The following ERC2 variants were observed in gnomAD, a reference collection of about 807,000 sequenced individuals.
ERC2 encodes ELKS/RAB6-interacting/CAST family member 2.
A neutral mutation model predicts 114.8 loss-of-function variants in ERC2; 42 were observed. The observed-to-expected ratio is 0.37, with a 90% CI of 0.29 to 0.47. ERC2 has a LOEUF of 0.47. ERC2 is among the 20% of genes least tolerant of loss of function. ERC2 has a pLI of 0.99. For synonymous variants in ERC2, 454 were observed against 425.5 expected, an observed-to-expected ratio of 1.07 and a Z score of -0.82; for missense variants, 939 against 1,150.7, an observed-to-expected ratio of 0.82 and a Z score of 2.66.
chr3:55,590,833 A>AT (rs1356962853), intron 17 of ERC2, among the ~76,000 whole-genome samples: 10 of 151,352 alleles, frequency 6.6e-5, no homozygotes, highest in East Asian at 3.9e-4. Context: ...GCTCTATAAC[A>AT]TTTTTTTTTC....
At chr3:55,919,148 G>C (rs539538873) in intron 13 of ERC2, among the ~76,000 whole-genome samples, 108 of 152,320 alleles carry the variant, frequency 7.1e-4, no homozygotes, top group African/African-American at 2.5e-3. Flanking sequence ...GGTGGCCAAA[G>C]TGGGAGGATT....
chr3:56,361,742 A>G (rs2058965246), intron 2 of ERC2, among the ~76,000 whole-genome samples: 1 of 152,246 alleles, frequency 6.6e-6, no homozygotes, highest in Non-Finnish European at 1.5e-5. Context: ...TGAGTAGTAG[A>G]GATGGTTCAT....
At chr3:56,106,793 A>G (rs1344308982) in intron 6 of ERC2, among the ~76,000 whole-genome samples, 5 of 152,200 alleles carry the variant, frequency 3.3e-5, no homozygotes, top group Non-Finnish European at 7.3e-5. Flanking sequence ...GTCACTGGAA[A>G]TATTTCCAGT....
intron 7 of ERC2, among the ~76,000 whole-genome samples, chr3:56,079,027 T>C (rs1471836660): frequency 6.6e-6 from 1 of 152,064 alleles, no homozygotes; most frequent in Non-Finnish European, 1.5e-5. Context: ...AACAAAGCAC[T>C]ATTTGAACAG....
chr3:55,791,839 T>C (rs941880606), intron 14 of ERC2, among the ~76,000 whole-genome samples: 2 of 151,968 alleles, frequency 1.3e-5, no homozygotes, highest in African/African-American at 4.8e-5. Context: ...TTTATTTAAC[T>C]GTTTTGTATT....
intron 13 of ERC2, among the ~76,000 whole-genome samples, chr3:55,916,602 G>T (rs1249417610): frequency 6.6e-6 from 1 of 152,146 alleles, no homozygotes; most frequent in Admixed American, 6.5e-5. Context: ...TGCACTGAGC[G>T]TGTTCCCACT....
chr3:55,679,157 C>G (rs972782474), intron 17 of ERC2, among the ~76,000 whole-genome samples: 1 of 152,170 alleles, frequency 6.6e-6, no homozygotes, highest in Admixed American at 6.5e-5. Flanking sequence ...AAAGGCCCTA[C>G]GTTTTCTGGT....
chr3:56,240,035 G>A (rs1232248041), intron 3 of ERC2, among the ~76,000 whole-genome samples: 1 of 152,182 alleles, frequency 6.6e-6, no homozygotes, highest in African/African-American at 2.4e-5. Context: ...GCCTAATTAG[G>A]CCAGTCCTGC....
intron 14 of ERC2, among the ~76,000 whole-genome samples, chr3:55,846,900 C>G (rs570014653): frequency 4.6e-5 from 7 of 152,256 alleles, no homozygotes; most frequent in African/African-American, 1.4e-4. Flanking sequence ...TGGCAAAGCA[C>G]AAGTGAGCAA....
intron 14 of ERC2, among the ~76,000 whole-genome samples, chr3:55,882,276 G>A (rs1192827006): frequency 1.3e-5 from 2 of 152,116 alleles, no homozygotes; most frequent in South Asian, 2.1e-4. Context: ...CCCTTCTGCC[G>A]TAAGTGGAAG....
intron 14 of ERC2, among the ~76,000 whole-genome samples, chr3:55,847,311 G>C (rs1219872290): frequency 6.6e-6 from 1 of 152,064 alleles, no homozygotes; most frequent in Non-Finnish European, 1.5e-5. Flanking sequence ...GAGAGGGAGG[G>C]GAGCCTTCCA....
At chr3:56,098,270 C>T (rs192864447) in intron 6 of ERC2, among the ~76,000 whole-genome samples, 39 of 152,260 alleles carry the variant, frequency 2.6e-4, no homozygotes, top group African/African-American at 8.7e-4. Flanking sequence ...ATAAACCATA[C>T]GAATAGCAGA....
intron 2 of ERC2, among the ~76,000 whole-genome samples, chr3:56,313,031 T>TATATATATATAC (rs2056678957): frequency 1.5e-5 from 2 of 133,642 alleles, no homozygotes; most frequent in African/African-American, 5.5e-5. Context: ...TATATATATA[T>TATATATATATAC]ATATATGGGG....
intron 15 of ERC2, among the ~76,000 whole-genome samples, chr3:55,700,691 T>C (rs1576203950): frequency 6.6e-6 from 1 of 152,152 alleles, no homozygotes. Flanking sequence ...TCTGGCTAAC[T>C]CAAACTATTT....
chr3:55,885,905 A>G (rs2063331284), intron 14 of ERC2, among the ~76,000 whole-genome samples: 1 of 152,226 alleles, frequency 6.6e-6, no homozygotes, highest in East Asian at 1.9e-4. Context: ...ACCAGGTGGA[A>G]GCAACAGGAT....
At chr3:56,163,918 T>A (rs987453326) in intron 4 of ERC2, among the ~76,000 whole-genome samples, 3 of 152,094 alleles carry the variant, frequency 2.0e-5, no homozygotes, top group Non-Finnish European at 4.4e-5. Context: ...AGTTGCTAGC[T>A]GGTTGCTTTG....
intron 17 of ERC2, among the ~76,000 whole-genome samples, chr3:55,537,198 C>T (rs1264954837): frequency 6.6e-6 from 1 of 152,122 alleles, no homozygotes; most frequent in Non-Finnish European, 1.5e-5. Flanking sequence ...CACATTTCCA[C>T]AAGAAGTCTC....
chr3:55,657,974 T>TAC (rs1164768624), intron 17 of ERC2: 2 of 152,194 alleles, frequency 1.3e-5, no homozygotes, highest in Admixed American at 6.5e-5. Flanking sequence ...CTCTGAGGTA[T>TAC]AGCTCCCACC....
At chr3:55,810,261 T>C (rs1173523373) in intron 14 of ERC2, among the ~76,000 whole-genome samples, 3 of 152,196 alleles carry the variant, frequency 2.0e-5, no homozygotes, top group Non-Finnish European at 4.4e-5. Flanking sequence ...AACTATAATG[T>C]CATCAACCCA....
Sources: gnomAD v4.1 joint callset for allele counts (sites outside exome capture counted in the v4.1 genomes callset) on GRCh38, gnomAD v4.1.1 for gene constraint, MANE v1.5 for transcripts, NCBI Gene and HGNC (gene_info 2026-07-23, HGNC 2026-07-21) for gene names.